The following XYLT1 variants were observed in gnomAD, a reference collection of about 807,000 sequenced individuals.
XYLT1 encodes beta-D-xylosyltransferase 1.
In XYLT1, 36 loss-of-function variants were observed where a neutral mutation model predicts 91.3. The ratio of observed to expected loss-of-function variants is 0.39; its 90% CI spans 0.30 to 0.52. XYLT1 has a LOEUF of 0.52. Among genes scored for constraint, XYLT1 ranks in the 20% least tolerant of loss-of-function variants. The probability of loss-of-function intolerance (pLI) is 0.68; values close to 1 mark genes in which losing one functional copy is unlikely to be tolerated. For synonymous variants in XYLT1, 588 were observed against 532.0 expected (o/e 1.11, Z -1.45); for missense variants, 1,242 against 1,284.5 (o/e 0.97, Z 0.51).
intron 1 of XYLT1, among the ~76,000 whole-genome samples, chr16:17,391,247 G>A (rs540197973): frequency 6.6e-6 from 1 of 152,146 alleles, no homozygotes; most frequent in East Asian, 1.9e-4. Context: ...ATGAACTAGG[G>A]GAAGATTTTT....
chr16:17,230,997 A>T (rs1222562292), intron 3 of XYLT1, among the ~76,000 whole-genome samples: 1 of 151,980 alleles, frequency 6.6e-6, no homozygotes, highest in Non-Finnish European at 1.5e-5. Flanking sequence ...CAGTTGAAAA[A>T]CCCTGAGCTA....
intron 1 of XYLT1, among the ~76,000 whole-genome samples, chr16:17,459,907 A>G (rs1416229237): frequency 6.6e-6 from 1 of 152,172 alleles, no homozygotes; most frequent in Non-Finnish European, 1.5e-5. Context: ...CACGGGTTAC[A>G]AGACGCTGTG....
intron 3 of XYLT1, among the ~76,000 whole-genome samples, chr16:17,232,133 TAATA>T (rs2033166364): frequency 6.9e-6 from 1 of 144,506 alleles, no homozygotes; most frequent in South Asian, 2.1e-4. Flanking sequence ...TTATAATATA[TAATA>T]GATAATAGAT....
At chr16:17,154,616 A>G (rs979910440) in intron 6 of XYLT1, among the ~76,000 whole-genome samples, 7 of 152,186 alleles carry the variant, frequency 4.6e-5, no homozygotes, top group South Asian at 2.1e-4. Context: ...GAAAATGACA[A>G]TTGTGCTACC....
At chr16:17,114,665 A>G (rs1966848464) in intron 11 of XYLT1, among the ~76,000 whole-genome samples, 1 of 152,064 alleles carries the variant, frequency 6.6e-6, no homozygotes, top group Admixed American at 6.5e-5. Flanking sequence ...GCTAAAAGGC[A>G]CCCAATCCAG....
chr16:17,212,770 C>T lies in XYLT1; in HGVS notation c.914-12116G>A, dbSNP rs141979105. Among the ~76,000 whole-genome samples the T allele has an allele frequency of 1.1e-4, 17 of 152,264 alleles. No homozygotes were observed. In the East Asian group the frequency reaches 3.3e-3, roughly 29 times the overall value. On this transcript the variant is annotated intron_variant, in intron 3 of 11. Transcript: ENST00000261381. ...CCTGGGATATTCTAATGATATACTGCTCAATAAATGGAAACTGGTGGGATA... is the reference window on the plus strand; with the variant it reads ...CCTGGGATATTCTAATGATATACTGTTCAATAAATGGAAACTGGTGGGATA...
chr16:17,176,733 C>T (rs1390863472), intron 5 of XYLT1, among the ~76,000 whole-genome samples: 2 of 152,126 alleles, frequency 1.3e-5, no homozygotes, highest in East Asian at 3.8e-4. Flanking sequence ...GGCATTTAGC[C>T]TGGTGGAAAG....
At chr16:17,456,356 G>C (rs1346550435) in intron 1 of XYLT1, among the ~76,000 whole-genome samples, 1 of 113,926 alleles carries the variant, frequency 8.8e-6, no homozygotes, top group African/African-American at 4.0e-5. Context: ...TTTTTTTTTG[G>C]AGACAGGATC....
chr16:17,400,985 TAC>T (rs71373111), intron 1 of XYLT1, among the ~76,000 whole-genome samples: 52,417 of 148,366 alleles, frequency 0.35, 9,484 homozygotes, highest in Admixed American at 0.46. Flanking sequence ...CTCTCTTTCA[TAC>T]ACACACACAC....
chr16:17,122,937 G>A (rs928966491), intron 10 of XYLT1, among the ~76,000 whole-genome samples: 1 of 152,080 alleles, frequency 6.6e-6, no homozygotes, highest in Non-Finnish European at 1.5e-5. Context: ...TGTTCTATAT[G>A]CCTTTTTTTA....
chr16:17,353,709 GTCTA>G (rs71998055), intron 2 of XYLT1, among the ~76,000 whole-genome samples: 38,332 of 138,966 alleles, frequency 0.28, 6,465 homozygotes, highest in African/African-American at 0.51. Flanking sequence ...GCTAGGCACT[GTCTA>G]TCTGTCCGTC....
At chr16:17,165,445 G>A (rs2031654436) in intron 5 of XYLT1, among the ~76,000 whole-genome samples, 1 of 152,074 alleles carries the variant, frequency 6.6e-6, no homozygotes, top group Non-Finnish European at 1.5e-5. Flanking sequence ...TCAGCACTTT[G>A]GGAGGCCAAG....
chr16:17,204,966 CAAAAAA>C (rs530525798), intron 3 of XYLT1, among the ~76,000 whole-genome samples: 6 of 81,268 alleles, frequency 7.4e-5, no homozygotes, highest in East Asian at 7.6e-4. Context: ...TGCCCAGCTC[CAAAAAA>C]AAAAAAAAAA....
intron 2 of XYLT1, among the ~76,000 whole-genome samples, chr16:17,348,071 A>C (rs2035169876): frequency 6.6e-6 from 1 of 152,098 alleles, no homozygotes; most frequent in South Asian, 2.1e-4. Flanking sequence ...AGCAAAGAAA[A>C]GTCCTTGCTG....
At chr16:17,287,934 T>A (rs1401708722) in intron 2 of XYLT1, among the ~76,000 whole-genome samples, 1 of 127,842 alleles carries the variant, frequency 7.8e-6, no homozygotes, top group Non-Finnish European at 1.7e-5. Flanking sequence ...TTAGGCATAA[T>A]TTTTCTTTTT....
rs527875467 is a variant in XYLT1, at chr16:17,164,617, G to A, written c.1290-5708C>T. On this transcript the variant is annotated intron_variant, in intron 5 of 11. Coordinates refer to ENST00000261381, the MANE Select transcript of XYLT1 (RefSeq NM_022166.4). ...CTAGGTACCTGACATAAGTGGAATTGTACAGGATTTGTGTTTTGCTGGCTG... is the reference window on the plus strand; with the variant it reads ...CTAGGTACCTGACATAAGTGGAATTATACAGGATTTGTGTTTTGCTGGCTG... 5.3e-5 allele frequency among the ~76,000 whole-genome samples: 8 copies of A among 152,270 alleles called. No individual in the cohort carries two copies. The East Asian group carries it at 1.5e-3, about 29-fold the overall frequency.
chr16:17,202,848 T>C lies in XYLT1; in HGVS notation c.914-2194A>G, dbSNP rs145112171. Among the ~76,000 whole-genome samples, 1,062 of 152,156 alleles carry C rather than the reference T, an allele frequency of 7.0e-3. 7 individuals are homozygous for C. The highest frequency in any genetic ancestry group is 0.012 in the Non-Finnish European group (788 of 67,984). The stretch of plus-strand genomic sequence containing the variant: ...CAGAATCTGCAACACTTGAACAGTA[T>C]CTGACACACATCTGGTTCTCGGTGA... On this transcript the variant is annotated intron_variant, in intron 3 of 11. Coordinates refer to ENST00000261381, the MANE Select transcript of XYLT1 (RefSeq NM_022166.4).
intron 1 of XYLT1, among the ~76,000 whole-genome samples, chr16:17,401,043 A>G (rs1001193433): frequency 6.6e-6 from 1 of 151,842 alleles, no homozygotes; most frequent in African/African-American, 2.4e-5. Flanking sequence ...TTCAGAGTCA[A>G]TTCTTTAACA....
chr16:17,416,230 G>A (rs1361539501), intron 1 of XYLT1, among the ~76,000 whole-genome samples: 2 of 152,184 alleles, frequency 1.3e-5, no homozygotes, highest in Non-Finnish European at 2.9e-5. Flanking sequence ...GCCAGATAAT[G>A]CACCCCACAT....
Sources: gnomAD v4.1 joint callset for allele counts (sites outside exome capture counted in the v4.1 genomes callset) on GRCh38, gnomAD v4.1.1 for gene constraint, MANE v1.5 for transcripts, NCBI Gene and HGNC (gene_info 2026-07-23, HGNC 2026-07-21) for gene names.